The following RGS7 variants were observed in gnomAD, a reference collection of about 807,000 sequenced individuals.
RGS7 encodes regulator of G protein signaling 7, also known as regulator of G-protein signaling 7.
Under a neutral mutation model 81.1 loss-of-function variants are expected in RGS7, and 27 were observed. That is an observed-to-expected ratio of 0.33 (90% CI 0.25 to 0.46). RGS7 has a LOEUF of 0.46. Among genes scored for constraint, RGS7 ranks in the 20% least tolerant of loss-of-function variants. RGS7 has a pLI of 1.00. For synonymous variants in RGS7, 208 were observed against 207.7 expected (o/e 1.00, Z -0.01); for missense variants, 396 against 607.4 (o/e 0.65, Z 3.66).
chr1:241,033,723 A>G (rs2060199566), intron 3 of RGS7, among the ~76,000 whole-genome samples: 1 of 152,098 alleles, frequency 6.6e-6, no homozygotes, highest in African/African-American at 2.4e-5. Flanking sequence ...CGGTTTCCTA[A>G]TATATTGTTT....
At chr1:240,779,444 T>C (rs6659642) in intron 18 of RGS7, among the ~76,000 whole-genome samples, 31,781 of 152,034 alleles carry the variant, frequency 0.21, 5,164 homozygotes, top group African/African-American at 0.46. Flanking sequence ...CATGAACCAC[T>C]GCGTCAGGCC....
At chr1:241,212,333 G>A (rs1218906137) in intron 2 of RGS7, among the ~76,000 whole-genome samples, 3 of 152,142 alleles carry the variant, frequency 2.0e-5, no homozygotes, top group Non-Finnish European at 4.4e-5. Context: ...CAGGAACAGG[G>A]TCGACTTCGT....
chr1:241,296,422 T>C (rs956927206), intron 2 of RGS7, among the ~76,000 whole-genome samples: 15 of 152,130 alleles, frequency 9.9e-5, no homozygotes, highest in Admixed American at 6.5e-4. Flanking sequence ...CTACTGGAAA[T>C]AGTGATTAGG....
intron 10 of RGS7, among the ~76,000 whole-genome samples, chr1:240,821,855 T>C (rs1691867102): frequency 6.6e-6 from 1 of 152,186 alleles, no homozygotes; most frequent in Non-Finnish European, 1.5e-5. Context: ...ATATGGGTGC[T>C]AAGTTACAGG....
chr1:241,189,754 G>A (rs553534418), intron 2 of RGS7, among the ~76,000 whole-genome samples: 8 of 152,060 alleles, frequency 5.3e-5, no homozygotes, highest in Non-Finnish European at 8.8e-5. Flanking sequence ...ACATTTAATC[G>A]CTCTAGTATC....
chr1:241,280,449 TG>T (rs776200628), intron 2 of RGS7, among the ~76,000 whole-genome samples: 19 of 152,314 alleles, frequency 1.2e-4, no homozygotes, highest in South Asian at 6.2e-4. Context: ...TTCTAGCAAA[TG>T]AACACAGAAC....
chr1:240,853,770 G>C (rs1660548498), intron 9 of RGS7, among the ~76,000 whole-genome samples: 1 of 151,458 alleles, frequency 6.6e-6, no homozygotes, highest in Admixed American at 6.6e-5. Context: ...GGCGTGGTGC[G>C]GGCACCTGTA....
At chr1:240,999,814 G>A (rs1687867245) in intron 3 of RGS7, among the ~76,000 whole-genome samples, 1 of 152,046 alleles carries the variant, frequency 6.6e-6, no homozygotes, top group African/African-American at 2.4e-5. Flanking sequence ...TGTCGGCCAG[G>A]CTGTTCCCAA....
intron 5 of RGS7, among the ~76,000 whole-genome samples, chr1:240,934,699 G>A (rs976538104): frequency 1.3e-5 from 2 of 151,888 alleles, no homozygotes; most frequent in Non-Finnish European, 2.9e-5. Flanking sequence ...TGTATAGATA[G>A]TTTATTTTAT....
chr1:240,996,810 C>T (rs572023616), intron 3 of RGS7, among the ~76,000 whole-genome samples: 4 of 151,888 alleles, frequency 2.6e-5, no homozygotes, highest in South Asian at 2.1e-4. Context: ...ATGTAATTAC[C>T]GATATGTGAT....
At chr1:240,867,006 C>T (rs1663429121) in intron 9 of RGS7, among the ~76,000 whole-genome samples, 1 of 152,086 alleles carries the variant, frequency 6.6e-6, no homozygotes. Context: ...CTAGAGGTTG[C>T]TTAAAACAAA....
At chr1:241,240,374 C>T (rs566466869) in intron 2 of RGS7, among the ~76,000 whole-genome samples, 1 of 152,224 alleles carries the variant, frequency 6.6e-6, no homozygotes, top group East Asian at 1.9e-4. Context: ...GTGGATCTGT[C>T]CAGCACTGGA....
intron 2 of RGS7, among the ~76,000 whole-genome samples, chr1:241,155,880 C>T (rs1186654125): frequency 6.6e-6 from 1 of 152,078 alleles, no homozygotes; most frequent in African/African-American, 2.4e-5. Context: ...AATCAGAAAT[C>T]CTTCTTTTGG....
intron 3 of RGS7, among the ~76,000 whole-genome samples, chr1:240,993,291 GAA>G (rs1686792587): frequency 6.6e-6 from 1 of 151,780 alleles, no homozygotes; most frequent in African/African-American, 2.4e-5. Context: ...GAGAGAGAGA[GAA>G]AGAAAGAGCC....
intron 6 of RGS7, chr1:240,919,930 A>G: frequency 7.9e-7 from 1 of 1,260,512 alleles, no homozygotes; most frequent in Non-Finnish European, 1.1e-6. Context: ...TCAAGAGAAG[A>G]TTCTCAAAGA....
chr1:240,997,625 G>C (rs1313301875), intron 3 of RGS7, among the ~76,000 whole-genome samples: 1 of 152,178 alleles, frequency 6.6e-6, no homozygotes, highest in Non-Finnish European at 1.5e-5. Flanking sequence ...AGGAGTTCGA[G>C]ACCAGCCTGA....
At chr1:241,023,808 C>T (rs550515775) in intron 3 of RGS7, among the ~76,000 whole-genome samples, 9 of 152,296 alleles carry the variant, frequency 5.9e-5, no homozygotes, top group South Asian at 2.1e-4. Context: ...TGCAATGGCG[C>T]GATCTTGGCT....
At chr1:241,283,127 G>C (rs945647848) in intron 2 of RGS7, among the ~76,000 whole-genome samples, 1 of 152,012 alleles carries the variant, frequency 6.6e-6, no homozygotes, top group African/African-American at 2.4e-5. Context: ...TATATATTTA[G>C]AGCCACATCA....
intron 2 of RGS7, among the ~76,000 whole-genome samples, chr1:241,109,150 A>G (rs544487302): frequency 1.2e-4 from 19 of 152,296 alleles, no homozygotes; most frequent in African/African-American, 3.6e-4. Flanking sequence ...TATCCACGAT[A>G]TGACGCCCAA....
Sources: gnomAD v4.1 joint callset for allele counts (sites outside exome capture counted in the v4.1 genomes callset) on GRCh38, gnomAD v4.1.1 for gene constraint, MANE v1.5 for transcripts, NCBI Gene and HGNC (gene_info 2026-07-23, HGNC 2026-07-21) for gene names.